Variants in THSD7B observed in about 807,000 individuals in gnomAD.
The protein encoded by THSD7B is thrombospondin type-1 domain-containing protein 7B.
Under a neutral mutation model 213.6 loss-of-function variants are expected in THSD7B, and 138 were observed. The ratio of observed to expected loss-of-function variants is 0.65; its 90% CI spans 0.56 to 0.74. The LOEUF (loss-of-function observed/expected upper bound fraction) is 0.74. Ranked by LOEUF, THSD7B falls within the 30% of genes least tolerant of loss-of-function variation. THSD7B has a pLI of 0.00. For missense variants in THSD7B, 1,931 were observed against 1,991.5 expected, an observed-to-expected ratio of 0.97 and a Z score of 0.58; for synonymous variants, 742 against 687.0, an observed-to-expected ratio of 1.08 and a Z score of -1.25.
At chr2:136,836,377 A>G (rs530878384) in intron 1 of THSD7B, among the ~76,000 whole-genome samples, 2 of 152,218 alleles carry the variant, frequency 1.3e-5, no homozygotes, top group South Asian at 4.2e-4. Flanking sequence ...TTTCATCTTC[A>G]CTGTCAGGAG....
chr2:137,392,827 T>C (rs1686065979), intron 12 of THSD7B, among the ~76,000 whole-genome samples: 1 of 152,122 alleles, frequency 6.6e-6, no homozygotes, highest in African/African-American at 2.4e-5. Flanking sequence ...GTCATATTTG[T>C]CTTTAGGTGA....
At chr2:137,130,858 T>A (rs1211718587) in intron 5 of THSD7B, among the ~76,000 whole-genome samples, 1 of 138,976 alleles carries the variant, frequency 7.2e-6, no homozygotes, top group African/African-American at 2.6e-5. Flanking sequence ...TGTGTCTTTA[T>A]AGCAGCATGA....
intron 15 of THSD7B, among the ~76,000 whole-genome samples, chr2:137,465,383 C>T (rs1687973028): frequency 6.6e-6 from 1 of 152,004 alleles, no homozygotes; most frequent in African/African-American, 2.4e-5. Flanking sequence ...CGTGGCTGCA[C>T]ATTAGATTTA....
intron 1 of THSD7B, among the ~76,000 whole-genome samples, chr2:136,852,837 G>A (rs1490901121): frequency 1.3e-5 from 2 of 152,000 alleles, no homozygotes; most frequent in African/African-American, 4.8e-5. Flanking sequence ...AACAGAACTT[G>A]CTGTCTTTCA....
intron 2 of THSD7B, among the ~76,000 whole-genome samples, chr2:137,024,554 T>C (rs1218327998): frequency 1.3e-5 from 2 of 152,180 alleles, no homozygotes; most frequent in Non-Finnish European, 2.9e-5. Context: ...GTGTGATATA[T>C]TTCTTAGGTT....
intron 14 of THSD7B, among the ~76,000 whole-genome samples, chr2:137,428,348 C>T (rs1359927792): frequency 4.6e-5 from 7 of 152,074 alleles, no homozygotes; most frequent in Non-Finnish European, 4.4e-5. Context: ...ATACATTGCT[C>T]GTGAGAATAC....
intron 12 of THSD7B, among the ~76,000 whole-genome samples, chr2:137,303,288 T>C (rs1190649244): frequency 6.6e-6 from 1 of 152,172 alleles, no homozygotes; most frequent in South Asian, 2.1e-4. Flanking sequence ...TCCCAAAGTT[T>C]TGAGATGACA....
At chr2:136,848,383 T>C (rs977936870) in intron 1 of THSD7B, among the ~76,000 whole-genome samples, 1 of 152,170 alleles carries the variant, frequency 6.6e-6, no homozygotes, top group African/African-American at 2.4e-5. Context: ...TTTGCATTTC[T>C]AACAAGTTTC....
chr2:137,112,711 T>C (rs1688370802), intron 4 of THSD7B, among the ~76,000 whole-genome samples: 1 of 152,080 alleles, frequency 6.6e-6, no homozygotes, highest in African/African-American at 2.4e-5. Context: ...CAACTGTGGA[T>C]CTCTAATATT....
chr2:137,402,155 C>T (rs1558784973), intron 12 of THSD7B, among the ~76,000 whole-genome samples: 1 of 152,118 alleles, frequency 6.6e-6, no homozygotes, highest in East Asian at 1.9e-4. Context: ...TCTCACTAGA[C>T]TTTTTTATAG....
intron 12 of THSD7B, among the ~76,000 whole-genome samples, chr2:137,334,662 T>G (rs1455625522): frequency 1.3e-5 from 2 of 152,200 alleles, no homozygotes; most frequent in African/African-American, 4.8e-5. Flanking sequence ...GCTTCCGGCA[T>G]TCTTAGGGTA....
intron 15 of THSD7B, among the ~76,000 whole-genome samples, chr2:137,562,095 A>G (rs1301394134): frequency 6.6e-6 from 1 of 152,120 alleles, no homozygotes; most frequent in Non-Finnish European, 1.5e-5. Context: ...TGATTATCCT[A>G]TTACATAGTG....
intron 21 of THSD7B, among the ~76,000 whole-genome samples, chr2:137,654,206 T>C (rs1683190977): frequency 6.6e-6 from 1 of 152,190 alleles, no homozygotes; most frequent in Admixed American, 6.5e-5. Context: ...GTGCTGCCTA[T>C]CATGAATAGG....
intron 2 of THSD7B, among the ~76,000 whole-genome samples, chr2:136,973,496 G>T (rs1332809708): frequency 6.6e-6 from 1 of 151,750 alleles, no homozygotes; most frequent in Admixed American, 6.6e-5. Flanking sequence ...ATCAATATTT[G>T]TCATTACAAG....
intron 1 of THSD7B, among the ~76,000 whole-genome samples, chr2:136,807,791 C>T (rs1274820204): frequency 1.3e-5 from 2 of 152,124 alleles, no homozygotes; most frequent in Non-Finnish European, 1.5e-5. Flanking sequence ...CAGGCGTGAG[C>T]CACCACACCT....
At chr2:137,553,564 G>T (rs1391230217) in intron 15 of THSD7B, among the ~76,000 whole-genome samples, 1 of 152,138 alleles carries the variant, frequency 6.6e-6, no homozygotes, top group Admixed American at 6.6e-5. Flanking sequence ...CAATTCCCAT[G>T]TGAAGAAATA....
At chr2:137,669,104 G>T (rs894631958) in intron 27 of THSD7B, among the ~76,000 whole-genome samples, 4 of 152,130 alleles carry the variant, frequency 2.6e-5, no homozygotes, top group African/African-American at 9.7e-5. Context: ...TGAGATCAAA[G>T]TGTTACTTCA....
At chr2:137,530,956 T>C (rs1267771119) in intron 15 of THSD7B, among the ~76,000 whole-genome samples, 1 of 152,034 alleles carries the variant, frequency 6.6e-6, no homozygotes, top group Non-Finnish European at 1.5e-5. Flanking sequence ...TTAACATTGA[T>C]CAGTTCTCGA....
chr2:137,256,291 C>T lies in THSD7B; in HGVS notation c.2266+13719C>T, dbSNP rs114154567. Among the ~76,000 whole-genome samples the T allele has an allele frequency of 6.0e-3, 908 of 152,222 alleles. 9 individuals carry two copies. The highest frequency in any genetic ancestry group is 0.02 in the African/African-American group (822 of 41,532). On this transcript the variant is annotated intron_variant, in intron 10 of 27. Transcript: ENST00000409968. ...GAATAAAATGAGGTTACTTTTATCA[C>T]GGAGCACTTAAATAGAAATTCAGGC...
Sources: gnomAD v4.1 joint callset for allele counts (sites outside exome capture counted in the v4.1 genomes callset) on GRCh38, gnomAD v4.1.1 for gene constraint, MANE v1.5 for transcripts, NCBI Gene and HGNC (gene_info 2026-07-23, HGNC 2026-07-21) for gene names.